The following ENPEP variants were observed in gnomAD, a reference collection of about 807,000 sequenced individuals.
The protein encoded by ENPEP is AP-A.
Under a neutral mutation model 114.5 loss-of-function variants are expected in ENPEP, and 103 were observed. The ratio of observed to expected loss-of-function variants is 0.90; its 90% CI spans 0.77 to 1.06. The LOEUF (loss-of-function observed/expected upper bound fraction) is 1.06, where lower values mean the gene tolerates loss of function less well. ENPEP is among the 50% of genes least tolerant of loss of function. ENPEP has a pLI of 0.00. For missense variants in ENPEP, 1,196 were observed against 1,161.3 expected, an observed-to-expected ratio of 1.03 and a Z score of -0.43; for synonymous variants, 420 against 422.0, an observed-to-expected ratio of 1.00 and a Z score of 0.06.
intron 2 of ENPEP, among the ~76,000 whole-genome samples, chr4:110,490,643 A>T (rs914194959): frequency 4.6e-5 from 7 of 152,250 alleles, no homozygotes. Context: ...CACCAGGTAC[A>T]GCAATTGCCC....
intron 13 of ENPEP, 90 bp downstream of exon 13, chr4:110,543,160 C>A (rs2110387496): frequency 1.7e-6 from 2 of 1,210,044 alleles, no homozygotes; most frequent in South Asian, 1.3e-5. Context: ...CAGTATTAAT[C>A]AATTTTAGCT....
At chr4:110,544,705 C>G (rs1264459480) in intron 13 of ENPEP, among the ~76,000 whole-genome samples, 2 of 152,146 alleles carry the variant, frequency 1.3e-5, no homozygotes, top group Non-Finnish European at 2.9e-5. Flanking sequence ...ACTGTACTAT[C>G]TCTACAGTTT....
intron 18 of ENPEP, among the ~76,000 whole-genome samples, chr4:110,554,964 T>C (rs1452412443): frequency 2.6e-5 from 4 of 152,034 alleles, no homozygotes; most frequent in Admixed American, 1.3e-4. Context: ...GCATTTTTCA[T>C]TTTTAAAAAT....
chr4:110,477,440 A>G (rs1724154762), intron 1 of ENPEP, among the ~76,000 whole-genome samples: 1 of 152,226 alleles, frequency 6.6e-6, no homozygotes, highest in African/African-American at 2.4e-5. Flanking sequence ...ACAGCAATAT[A>G]TATGAACTTT....
chr4:110,545,690 T>C (rs1727028488), intron 13 of ENPEP, among the ~76,000 whole-genome samples: 1 of 152,040 alleles, frequency 6.6e-6, no homozygotes, highest in Non-Finnish European at 1.5e-5. Flanking sequence ...CTGATTTTTT[T>C]CCTTGTGTTG....
intron 1 of ENPEP, among the ~76,000 whole-genome samples, chr4:110,486,877 T>A (rs1169524467): frequency 8.5e-5 from 13 of 152,176 alleles, no homozygotes; most frequent in Non-Finnish European, 1.8e-4. Context: ...TTACTCAACT[T>A]TGTCTCCCCG....
At chr4:110,505,643 G>C (rs1442572299) in intron 3 of ENPEP, among the ~76,000 whole-genome samples, 2 of 152,184 alleles carry the variant, frequency 1.3e-5, no homozygotes, top group African/African-American at 2.4e-5. Context: ...TGAGTCAGCT[G>C]TTCTAATTAG....
intron 18 of ENPEP, among the ~76,000 whole-genome samples, chr4:110,557,371 T>C (rs2110402427): frequency 6.6e-6 from 1 of 152,324 alleles, no homozygotes; most frequent in East Asian, 1.9e-4. Context: ...TTCATCTGTA[T>C]GGATCTGGAA....
intron 10 of ENPEP, among the ~76,000 whole-genome samples, chr4:110,529,271 A>G (rs542524601): frequency 6.6e-6 from 1 of 152,320 alleles, no homozygotes; most frequent in African/African-American, 2.4e-5. Context: ...TTTACATGGC[A>G]GCACCAATTC....
chr4:110,488,446 T>C (rs1724581869), intron 1 of ENPEP, 95 bp from the exon 2 acceptor site: 2 of 1,393,610 alleles, frequency 1.4e-6, no homozygotes, highest in Non-Finnish European at 1.9e-6. Context: ...TAGTTATAAT[T>C]GCATAGCTGA....
chr4:110,491,200 T>C, intron 3 of ENPEP, 36 bp downstream of exon 3: 2 of 1,546,886 alleles, frequency 1.3e-6, no homozygotes, highest in South Asian at 1.2e-5. Context: ...TTACCACCTA[T>C]GCATTTGTAA....
chr4:110,534,021 T>C (rs1726511660), intron 11 of ENPEP, among the ~76,000 whole-genome samples: 5 of 152,326 alleles, frequency 3.3e-5, no homozygotes, highest in African/African-American at 1.2e-4. Context: ...CTTCAAAGTG[T>C]CTGCTCCATT....
At chr4:110,537,996 C>T (rs1295694414) in intron 11 of ENPEP, among the ~76,000 whole-genome samples, 8 of 152,162 alleles carry the variant, frequency 5.3e-5, no homozygotes, top group East Asian at 3.8e-4. Flanking sequence ...ACAGACGTGC[C>T]GTCACCCAGG....
intron 11 of ENPEP, among the ~76,000 whole-genome samples, chr4:110,539,829 A>G (rs1427304940): frequency 1.3e-5 from 2 of 152,114 alleles, no homozygotes; most frequent in Admixed American, 1.3e-4. Flanking sequence ...TTTTTTCTCT[A>G]GGAATCTCAG....
At position 110,564,934 on chromosome 4, in the gene ENPEP, C is replaced by T. The variant is rs762166139; in HGVS notation, c.*3376C>T. ...AAAAACAACATGGAATAGAACTTAG[C>T]CAGCACAGAGTACACATGTGCTGTA... On this transcript the variant is annotated 3_prime_UTR_variant, in exon 20 of 20. Transcript: ENST00000265162. 6.6e-6 allele frequency: 1 copy of T among 152,152 alleles called. No homozygotes were observed. Among genetic ancestry groups the T allele is most frequent in the Non-Finnish European group, 1.5e-5 (1 of 68,038 alleles). The allele number at this position is 152,152 out of a possible 1,614,324, so 9.4% of individuals were successfully genotyped here. A position where few individuals can be genotyped will look rare whatever the true frequency, so the allele number is the denominator to read the frequency against.
intron 17 of ENPEP, among the ~76,000 whole-genome samples, 159 bp downstream of exon 17, chr4:110,550,045 C>A (rs1727229393): frequency 6.6e-6 from 1 of 151,986 alleles, no homozygotes; most frequent in Admixed American, 6.6e-5. Context: ...TAAGACTGGC[C>A]TAAACAATAA....
At chr4:110,535,349 A>T (rs2110379158) in intron 11 of ENPEP, among the ~76,000 whole-genome samples, 1 of 152,290 alleles carries the variant, frequency 6.6e-6, no homozygotes, top group South Asian at 2.1e-4. Context: ...CATCTGTGAT[A>T]ATTATACATA....
chr4:110,504,511 T>G (rs1725293862), intron 3 of ENPEP, among the ~76,000 whole-genome samples: 1 of 152,106 alleles, frequency 6.6e-6, no homozygotes, highest in South Asian at 2.1e-4. Context: ...GCCACTGCAC[T>G]GCTGGCCTGA....
chr4:110,510,325 G>A lies in ENPEP; in HGVS notation c.1275G>A (p.Leu425=). Residue 425 remains leucine, a synonymous_variant, in exon 6 of 20, where the codon CTG becomes CTA. Coordinates refer to ENST00000265162, the MANE Select transcript of ENPEP (RefSeq NM_001977.4). ...GATTTGCTTCTTTCTTTGAGTTTCT[G>A]GGAGTAAACCATGCAGAAACAGACT... The part of the protein sequence containing the change: ...NEGFASFFEF[L]GVNHAETDWQ... The A allele has an allele frequency of 1.2e-6, 2 of 1,614,114 alleles. No homozygotes were observed. Among genetic ancestry groups the A allele is most frequent in the Middle Eastern group, 3.3e-4 (2 of 6,062 alleles).
Sources: allele counts gnomAD v4.1 joint callset (sites outside exome capture counted in the v4.1 genomes callset), GRCh38; gene constraint gnomAD v4.1.1; transcripts MANE v1.5; gene names NCBI Gene and HGNC (gene_info 2026-07-23, HGNC 2026-07-21).